WDTC1: variants seen among roughly 807,000 people sequenced by gnomAD.
WDTC1 encodes the protein WD and tetratricopeptide repeats protein 1.
Under a neutral mutation model 76.0 loss-of-function variants are expected in WDTC1, and 12 were observed. That is an observed-to-expected ratio of 0.16 (90% CI 0.10 to 0.26). The LOEUF (loss-of-function observed/expected upper bound fraction) is 0.26, where lower values mean the gene tolerates loss of function less well. Among genes scored for constraint, WDTC1 ranks in the 10% least tolerant of loss-of-function variants. The pLI, the probability that WDTC1 is intolerant of heterozygous loss-of-function variation, is 1.00. For missense variants in WDTC1, 511 were observed against 908.8 expected (o/e 0.56, Z 5.63); for synonymous variants, 326 against 350.8 (o/e 0.93, Z 0.79).
chr1:27,239,059 C>A (rs1304111143), intron 1 of WDTC1, among the ~76,000 whole-genome samples: 1 of 148,920 alleles, frequency 6.7e-6, no homozygotes. Flanking sequence ...TGTGCCATCA[C>A]GCCTGGCTAA....
intron 12 of WDTC1, among the ~76,000 whole-genome samples, 182 bp downstream of exon 12, chr1:27,298,293 C>T (rs1420474366): frequency 6.6e-6 from 1 of 152,222 alleles, no homozygotes; most frequent in Non-Finnish European, 1.5e-5. Flanking sequence ...TGGGCAGGCA[C>T]CTGACCCATT....
rs762045229 is a variant in WDTC1, at chr1:27,294,120, G to A, written c.757+4G>A. On this transcript the variant is annotated splice_donor_region_variant and intron_variant, in intron 8 of 15. Coordinates refer to ENST00000319394, the MANE Select transcript of WDTC1 (RefSeq NM_001276252.2). ...GCAGCCCAGTATTACGTAGCAGGTA[G>A]CGCTCAGCACAGCTCTGGCCCCAAA... 9.3e-6 allele frequency: 15 copies of A among 1,613,812 alleles called. No homozygotes were observed. In the South Asian group the frequency reaches 1.6e-4, roughly 18 times the overall value.
At position 27,303,656 on chromosome 1, in the gene WDTC1, C is replaced by T. The variant is rs146854717; in HGVS notation, c.1504C>T (p.Arg502Cys). ...GGGACCTGGTGGCGGCGCCCCAGTC[C>T]GCCTCCGCAGCACGAGCCGCAAGGA... is the stretch of plus-strand genomic sequence containing the variant. ...KKGPGGGAPV[R>C]LRSTSRKDSI... The change falls in exon 14 of 16, where the codon CGC becomes TGC. Residue 502 changes from arginine to cysteine, a missense_variant. Physicochemically the swap from Arg to Cys is radical, Grantham distance 180. Coordinates refer to ENST00000319394, the MANE Select transcript of WDTC1 (RefSeq NM_001276252.2). This position sits in a 1 kb window ranked among gnomAD's most constrained non-coding sequence, Gnocchi z 4.8. 1.0e-4 allele frequency: 163 copies of T among 1,606,474 alleles called. 3 individuals carry two copies. Among genetic ancestry groups the T allele is most frequent in the South Asian group, 8.2e-4 (74 of 90,002 alleles).
At chr1:27,269,621 G>GTTTGTTTTTTTT (rs2012798173) in intron 3 of WDTC1, among the ~76,000 whole-genome samples, 2 of 126,874 alleles carry the variant, frequency 1.6e-5, no homozygotes. Context: ...TTTTTTTTCG[G>GTTTGTTTTTTTT]TTTTTTTTTT....
In WDTC1 at chr1:27,303,845, G is replaced by T. The variant is rs2013891367; in HGVS notation, c.1643+50G>T. The T allele has an allele frequency of 6.2e-7, 1 of 1,603,924 alleles. No homozygotes were observed. The highest frequency in any genetic ancestry group is 1.1e-5 in the South Asian group (1 of 89,480). On this transcript the variant is annotated intron_variant, in intron 14 of 15. Coordinates refer to ENST00000319394, the MANE Select transcript of WDTC1 (RefSeq NM_001276252.2). The surrounding 1 kb of genome is among the most constrained non-coding windows in gnomAD (Gnocchi z 4.8). ...GCAGCCCAGTTGGCAGCGGGAGGTTGAGTGGGGAGTGTTGGGGCATAATGG... is the reference window on the plus strand; with the variant it reads ...GCAGCCCAGTTGGCAGCGGGAGGTTTAGTGGGGAGTGTTGGGGCATAATGG...
In WDTC1 at chr1:27,306,125, G is replaced by A. The variant is rs751593311; in HGVS notation, c.1837-61G>A. The A allele has an allele frequency of 6.1e-5, 96 of 1,586,754 alleles. No homozygotes were observed. The highest frequency in any genetic ancestry group is 1.0e-4 in the Admixed American group (6 of 59,680). On this transcript the variant is annotated intron_variant, in intron 15 of 15. Coordinates refer to ENST00000319394, the MANE Select transcript of WDTC1 (RefSeq NM_001276252.2). The surrounding 1 kb of genome is among the most constrained non-coding windows in gnomAD (Gnocchi z 5.0). ...GTATTTCCCTCCCCCTCCCCTATAC[G>A]TGTACCCTGGTGCCTCTCCCTCCCT...
intron 7 of WDTC1, among the ~76,000 whole-genome samples, chr1:27,293,309 G>T (rs1306938103): frequency 2.6e-5 from 4 of 151,156 alleles, no homozygotes; most frequent in African/African-American, 9.7e-5. Flanking sequence ...GCGGGTGCCT[G>T]TAGTCCCAGC....
chr1:27,284,459 C>G (rs370845135), intron 5 of WDTC1, among the ~76,000 whole-genome samples: 2 of 152,180 alleles, frequency 1.3e-5, no homozygotes, highest in East Asian at 3.8e-4. Flanking sequence ...GATGATAGCT[C>G]CAAACCTACT....
chr1:27,272,388 C>G (rs1418766371), intron 3 of WDTC1, among the ~76,000 whole-genome samples: 1 of 152,168 alleles, frequency 6.6e-6, no homozygotes, highest in Non-Finnish European at 1.5e-5. Context: ...AGCCACCATG[C>G]CCAGCCAATT....
In WDTC1 at chr1:27,241,154, G is replaced by A. The variant is rs186871077; in HGVS notation, c.-100+6203G>A. Among the ~76,000 whole-genome samples the A allele has an allele frequency of 7.1e-4, 108 of 152,126 alleles. 1 individual carries two copies. Among genetic ancestry groups the A allele is most frequent in the Non-Finnish European group, 9.7e-4 (66 of 68,004 alleles). Reference sequence around the variant, plus strand: ...TTTATTATCTTCTTTTAGGATACAAGGTCACAACTGCTAGAGCTGTAACAG... The same window carrying A: ...TTTATTATCTTCTTTTAGGATACAAAGTCACAACTGCTAGAGCTGTAACAG... On this transcript the variant is annotated intron_variant, in intron 1 of 15. Coordinates refer to ENST00000319394, the MANE Select transcript of WDTC1 (RefSeq NM_001276252.2).
intron 1 of WDTC1, among the ~76,000 whole-genome samples, chr1:27,239,138 A>G (rs2011559884): frequency 6.8e-6 from 1 of 147,212 alleles, no homozygotes; most frequent in Non-Finnish European, 1.5e-5. Context: ...TCCTGGGCTC[A>G]AGCAGTCTGC....
rs1374431720 is a variant in WDTC1, at chr1:27,294,707, G to C, written c.873+78G>C. The C allele has an allele frequency of 1.6e-5, 20 of 1,252,154 alleles. No homozygotes were observed. In the East Asian group the frequency reaches 4.8e-4, roughly 30 times the overall value. 77.6% of individuals were successfully genotyped at this position (1,252,154 alleles called of 1,614,324 possible). ...CAGGGGCATGTACCTTATGTTCACT[G>C]CTGAGGCAGACAAGACACAACAGCC... On this transcript the variant is annotated intron_variant, in intron 9 of 15. Coordinates refer to ENST00000319394, the MANE Select transcript of WDTC1 (RefSeq NM_001276252.2).
chr1:27,296,211 C>T, intron 9 of WDTC1, 115 bp from the exon 10 acceptor site: 1 of 1,223,936 alleles, frequency 8.2e-7, no homozygotes, highest in Non-Finnish European at 1.2e-6. Flanking sequence ...GTTCTATGCT[C>T]AACACTCACT....
intron 3 of WDTC1, among the ~76,000 whole-genome samples, chr1:27,266,573 C>T (rs2012681500): frequency 6.6e-6 from 1 of 152,204 alleles, no homozygotes; most frequent in South Asian, 2.1e-4. Context: ...CAAACATTAG[C>T]TGCTATTATT....
chr1:27,286,599 A>C (rs1002446831), intron 5 of WDTC1, among the ~76,000 whole-genome samples: 1 of 149,116 alleles, frequency 6.7e-6, no homozygotes, highest in Non-Finnish European at 1.5e-5. Flanking sequence ...CCTCCCGAGT[A>C]GCTGGGACTA....
intron 1 of WDTC1, among the ~76,000 whole-genome samples, chr1:27,240,983 A>G (rs1233957491): frequency 6.6e-6 from 1 of 151,380 alleles, no homozygotes; most frequent in African/African-American, 2.4e-5. Flanking sequence ...AAAAAAAAAA[A>G]ACAAAAAAAC....
intron 1 of WDTC1, among the ~76,000 whole-genome samples, chr1:27,251,383 T>C (rs2012054665): frequency 6.6e-6 from 1 of 152,138 alleles, no homozygotes; most frequent in Non-Finnish European, 1.5e-5. Context: ...ATATTTTCTT[T>C]GTAACATTGT....
intron 1 of WDTC1, among the ~76,000 whole-genome samples, chr1:27,241,083 T>C (rs931866073): frequency 5.3e-5 from 8 of 152,136 alleles, no homozygotes; most frequent in Admixed American, 2.0e-4. Flanking sequence ...AATTCTCAGC[T>C]ACTACTGCAG....
At chr1:27,239,115 G>T (rs1366523435) in intron 1 of WDTC1, among the ~76,000 whole-genome samples, 2 of 146,078 alleles carry the variant, frequency 1.4e-5, no homozygotes, top group Admixed American at 1.4e-4. Context: ...TGTTGCTCAG[G>T]CTGGTCTCAA....
Sources: allele counts gnomAD v4.1 joint callset (sites outside exome capture counted in the v4.1 genomes callset), GRCh38; gene constraint gnomAD v4.1.1; non-coding constraint Gnocchi (gnomAD v3.1); transcripts MANE v1.5; gene names NCBI Gene and HGNC (gene_info 2026-07-23, HGNC 2026-07-21).